The following ATP10A variants were observed in gnomAD, a reference collection of about 807,000 sequenced individuals.
ATP10A encodes phospholipid-transporting ATPase VA.
ATP10A carries 111 observed loss-of-function variants against 147.8 expected under a neutral mutation model. That is an observed-to-expected ratio of 0.75 (90% confidence interval 0.64 to 0.88). The LOEUF (loss-of-function observed/expected upper bound fraction) is 0.88, where lower values mean the gene tolerates loss of function less well. Among genes scored for constraint, ATP10A ranks in the 40% least tolerant of loss-of-function variants. The pLI, the probability that ATP10A is intolerant of heterozygous loss-of-function variation, is 0.00. For missense variants in ATP10A, 1,927 were observed against 1,959.0 expected (o/e 0.98, Z 0.31); for synonymous variants, 875 against 841.6 (o/e 1.04, Z -0.69).
chr15:25,741,936 A>G (rs1887599607), intron 2 of ATP10A, among the ~76,000 whole-genome samples: 1 of 152,236 alleles, frequency 6.6e-6, no homozygotes, highest in Non-Finnish European at 1.5e-5. Flanking sequence ...TCAAAGTGAT[A>G]ATTTCTCCAA....
chr15:25,838,926 C>A (rs1331668677), intron 1 of ATP10A, among the ~76,000 whole-genome samples: 1 of 152,196 alleles, frequency 6.6e-6, no homozygotes, highest in East Asian at 1.9e-4. Context: ...GCCCCGAGTT[C>A]ACTGTAAACT....
intron 1 of ATP10A, among the ~76,000 whole-genome samples, chr15:25,847,690 T>C (rs1479228460): frequency 7.8e-6 from 1 of 128,468 alleles, no homozygotes; most frequent in Non-Finnish European, 1.6e-5. Context: ...TGGAGTGCAG[T>C]AGTGCAATCA....
chr15:25,722,111 G>C (rs1902276325), intron 6 of ATP10A, among the ~76,000 whole-genome samples: 1 of 152,202 alleles, frequency 6.6e-6, no homozygotes, highest in East Asian at 1.9e-4. Context: ...AACTAGGACA[G>C]CTTATGGAGC....
intron 1 of ATP10A, among the ~76,000 whole-genome samples, chr15:25,805,127 C>T (rs562901863): frequency 2.6e-5 from 4 of 152,326 alleles, no homozygotes; most frequent in Middle Eastern, 3.4e-3. Flanking sequence ...CACGGGGCCC[C>T]GGCAGCCTAT....
chr15:25,779,533 G>A (rs1463605337), intron 2 of ATP10A, among the ~76,000 whole-genome samples: 4 of 151,010 alleles, frequency 2.6e-5, no homozygotes, highest in Admixed American at 6.6e-5. Context: ...AGAGTGAGAC[G>A]GGCTCACGCC....
At chr15:25,727,028 G>C in intron 4 of ATP10A, 132 bp downstream of exon 4, 3 of 643,058 alleles carry the variant, frequency 4.7e-6, no homozygotes, top group Non-Finnish European at 5.2e-6. Context: ...CTGCACTCCA[G>C]CCTGGGCGAC....
intron 3 of ATP10A, among the ~76,000 whole-genome samples, chr15:25,732,677 AC>A (rs1887013624): frequency 6.9e-6 from 1 of 145,390 alleles, no homozygotes; most frequent in Non-Finnish European, 1.5e-5. Flanking sequence ...TGCCTCAGCC[AC>A]CCGAGTAGCT....
chr15:25,693,072 A>G (rs1315903722), intron 14 of ATP10A, among the ~76,000 whole-genome samples: 1 of 151,650 alleles, frequency 6.6e-6, no homozygotes. Context: ...CCTAGGCTGG[A>G]GTGTAGTGGT....
intron 1 of ATP10A, among the ~76,000 whole-genome samples, chr15:25,845,439 T>C (rs1211851491): frequency 2.0e-5 from 3 of 152,078 alleles, no homozygotes; most frequent in Non-Finnish European, 4.4e-5. Flanking sequence ...TCCCCGGAAC[T>C]GTTTTGCATA....
intron 3 of ATP10A, among the ~76,000 whole-genome samples, chr15:25,729,793 C>A (rs1034072600): frequency 2.0e-5 from 3 of 152,206 alleles, no homozygotes; most frequent in Non-Finnish European, 4.4e-5. Context: ...CCAGGCCCCC[C>A]ACCCAGGCCA....
intron 13 of ATP10A, among the ~76,000 whole-genome samples, chr15:25,697,944 T>C (rs1320609940): frequency 1.3e-5 from 2 of 152,244 alleles, no homozygotes; most frequent in Non-Finnish European, 1.5e-5. Flanking sequence ...CAAATCCCAA[T>C]ATAAGGGCAT....
chr15:25,774,090 A>C (rs2079704744), intron 2 of ATP10A, among the ~76,000 whole-genome samples: 1 of 152,072 alleles, frequency 6.6e-6, no homozygotes. Flanking sequence ...AAAGCATTTC[A>C]CATTGTACGC....
At chr15:25,683,079 G>C (rs538862161) in intron 17 of ATP10A, among the ~76,000 whole-genome samples, 6 of 151,036 alleles carry the variant, frequency 4.0e-5, no homozygotes, top group Admixed American at 6.6e-5. Context: ...ACTCTTGGAG[G>C]GGGGACAGTT....
intron 2 of ATP10A, among the ~76,000 whole-genome samples, chr15:25,772,246 C>G (rs2140669305): frequency 6.6e-6 from 1 of 152,218 alleles, no homozygotes; most frequent in South Asian, 2.1e-4. Context: ...ATCTCTGGTC[C>G]ATAGGAGATT....
intron 1 of ATP10A, among the ~76,000 whole-genome samples, chr15:25,854,125 C>G (rs1406981360): frequency 1.3e-5 from 2 of 152,064 alleles, no homozygotes; most frequent in Non-Finnish European, 2.9e-5. Flanking sequence ...GTGGTTGGTT[C>G]TAGAGCTGGG....
chr15:25,805,113 C>T (rs1025607952), intron 1 of ATP10A, among the ~76,000 whole-genome samples: 4 of 152,222 alleles, frequency 2.6e-5, no homozygotes, highest in Non-Finnish European at 4.4e-5. Context: ...GTCCAGCATC[C>T]ACACACGGGG....
chr15:25,683,597 A>G, intron 16 of ATP10A, 111 bp from the exon 17 acceptor site: 2 of 1,049,172 alleles, frequency 1.9e-6, no homozygotes, highest in Non-Finnish European at 2.8e-6. Flanking sequence ...GATTAAATGT[A>G]TTGGCAGCGA....
intron 1 of ATP10A, among the ~76,000 whole-genome samples, chr15:25,817,834 A>T (rs1891730088): frequency 6.6e-6 from 1 of 152,214 alleles, no homozygotes; most frequent in South Asian, 2.1e-4. Context: ...TGAAGATGAA[A>T]CGGTTTAAAG....
At chr15:25,756,409 C>G (rs776412008) in intron 2 of ATP10A, among the ~76,000 whole-genome samples, 1 of 152,120 alleles carries the variant, frequency 6.6e-6, no homozygotes, top group Non-Finnish European at 1.5e-5. Flanking sequence ...TTTGGGAGGC[C>G]GAGGCGAGCG....
Sources: allele counts gnomAD v4.1 joint callset (sites outside exome capture counted in the v4.1 genomes callset), GRCh38; gene constraint gnomAD v4.1.1; transcripts MANE v1.5; gene names NCBI Gene and HGNC (gene_info 2026-07-23, HGNC 2026-07-21).